ATG7: variants seen among roughly 807,000 people sequenced by gnomAD.
ATG7 encodes the protein autophagy related 7.
ATG7 carries 70 observed loss-of-function variants against 82.4 expected under a neutral mutation model. The observed-to-expected ratio is 0.85, with a 90% CI of 0.70 to 1.04. The LOEUF (loss-of-function observed/expected upper bound fraction) is 1.04. Among genes scored for constraint, ATG7 ranks in the 50% least tolerant of loss-of-function variants. ATG7 has a pLI of 0.00. For synonymous variants in ATG7, 287 were observed against 313.0 expected, an observed-to-expected ratio of 0.92 and a Z score of 0.88; for missense variants, 792 against 864.3, an observed-to-expected ratio of 0.92 and a Z score of 1.05.
chr3:11,506,193 C>G (rs2091696726), intron 20 of ATG7, among the ~76,000 whole-genome samples: 1 of 152,108 alleles, frequency 6.6e-6, no homozygotes, highest in African/African-American at 2.4e-5. Flanking sequence ...GGCTAAGGTA[C>G]TATAATAGAC....
chr3:11,482,573 T>A (rs2153034276), intron 20 of ATG7, among the ~76,000 whole-genome samples: 1 of 152,260 alleles, frequency 6.6e-6, no homozygotes, highest in South Asian at 2.1e-4. Context: ...CAGTTGGGCC[T>A]TACTGAGAGC....
At chr3:11,501,784 G>A (rs367548558) in intron 20 of ATG7, among the ~76,000 whole-genome samples, 149 of 152,178 alleles carry the variant, frequency 9.8e-4, no homozygotes, top group African/African-American at 3.2e-3. Context: ...TCGCCTCCCG[G>A]GTTCAAGTGA....
chr3:11,526,598 A>T (rs550343464), intron 20 of ATG7, among the ~76,000 whole-genome samples: 1 of 152,220 alleles, frequency 6.6e-6, no homozygotes, highest in Non-Finnish European at 1.5e-5. Context: ...ATTATATTCC[A>T]CCAGCATTGT....
At chr3:11,475,103 T>A (rs1450443651) in intron 20 of ATG7, among the ~76,000 whole-genome samples, 1 of 151,604 alleles carries the variant, frequency 6.6e-6, no homozygotes, top group Non-Finnish European at 1.5e-5. Flanking sequence ...AATAAGAAGG[T>A]TTGGGGTGAA....
intron 20 of ATG7, among the ~76,000 whole-genome samples, chr3:11,496,997 G>A (rs889816448): frequency 9.2e-5 from 14 of 151,648 alleles, no homozygotes; most frequent in East Asian, 2.0e-4. Flanking sequence ...GATTACAGGC[G>A]TGCACCACCA....
chr3:11,559,849 C>T (rs1024238941), downstream of ATG7, among the ~76,000 whole-genome samples: 5 of 152,158 alleles, frequency 3.3e-5, no homozygotes, highest in African/African-American at 7.2e-5. Flanking sequence ...CACTGAGCCG[C>T]GGGTGTGCCT....
intron 19 of ATG7, among the ~76,000 whole-genome samples, chr3:11,404,243 G>C (rs1296727298): frequency 1.4e-5 from 2 of 142,388 alleles, no homozygotes; most frequent in East Asian, 4.4e-4. Flanking sequence ...TCAAGTGATT[G>C]TCCTGCCTCA....
chr3:11,367,911 C>T (rs1408701150), intron 18 of ATG7, among the ~76,000 whole-genome samples: 1 of 151,906 alleles, frequency 6.6e-6, no homozygotes, highest in African/African-American at 2.4e-5. Context: ...TCACACACAT[C>T]ATTAAGTGGT....
chr3:11,513,893 G>C (rs1407640300), intron 20 of ATG7, among the ~76,000 whole-genome samples: 1 of 152,198 alleles, frequency 6.6e-6, no homozygotes, highest in East Asian at 1.9e-4. Flanking sequence ...TGTGTACCAG[G>C]CACTGGGTTT....
At chr3:11,400,811 A>G (rs930519283) in intron 19 of ATG7, among the ~76,000 whole-genome samples, 1 of 151,174 alleles carries the variant, frequency 6.6e-6, no homozygotes, top group African/African-American at 2.4e-5. Flanking sequence ...AAGAAACTCA[A>G]CCAAAATTCA....
At chr3:11,285,782 A>G (rs1943892609) in intron 3 of ATG7, among the ~76,000 whole-genome samples, 1 of 152,140 alleles carries the variant, frequency 6.6e-6, no homozygotes, top group Non-Finnish European at 1.5e-5. Context: ...TTATTTTGGA[A>G]CAGTTTCAAA....
chr3:11,525,691 A>C (rs1286913485), intron 20 of ATG7, among the ~76,000 whole-genome samples: 2 of 151,762 alleles, frequency 1.3e-5, no homozygotes, highest in African/African-American at 4.8e-5. Flanking sequence ...AGTAGCTGGA[A>C]CTACAGGTAC....
intron 19 of ATG7, among the ~76,000 whole-genome samples, chr3:11,403,694 C>G (rs567052213): frequency 6.6e-6 from 1 of 152,202 alleles, no homozygotes; most frequent in East Asian, 1.9e-4. Flanking sequence ...AATACGAATG[C>G]TAATGAAAAG....
chr3:11,376,464 G>A (rs2077423731), intron 18 of ATG7, among the ~76,000 whole-genome samples: 1 of 152,170 alleles, frequency 6.6e-6, no homozygotes. Context: ...GAGAATTTGT[G>A]AATGAGGTGT....
chr3:11,374,526 T>A (rs1444696769), intron 18 of ATG7, among the ~76,000 whole-genome samples: 1 of 152,194 alleles, frequency 6.6e-6, no homozygotes, highest in Non-Finnish European at 1.5e-5. Flanking sequence ...TAGACAATGG[T>A]TTCTTATGTA....
chr3:11,362,774 T>C (rs746895528), intron 16 of ATG7, 39 bp from the exon 17 acceptor site: 23 of 1,559,810 alleles, frequency 1.5e-5, no homozygotes, highest in Non-Finnish European at 1.8e-5. Context: ...TTGAATGGAG[T>C]AGAACGTTCT....
chr3:11,447,928 T>C (rs112059892), intron 20 of ATG7, among the ~76,000 whole-genome samples: 2,218 of 152,310 alleles, frequency 0.015, 55 homozygotes, highest in African/African-American at 0.051. Flanking sequence ...GTGTTGGGCA[T>C]ATATGATAGA....
intron 1 of ATG7, among the ~76,000 whole-genome samples, chr3:11,274,830 G>A (rs150858630): frequency 4.6e-5 from 7 of 151,900 alleles, no homozygotes; most frequent in Non-Finnish European, 1.0e-4. Flanking sequence ...TCAATAAACA[G>A]TAGTCATTAA....
intron 20 of ATG7, among the ~76,000 whole-genome samples, chr3:11,484,891 G>C (rs1449700395): frequency 6.6e-6 from 1 of 152,098 alleles, no homozygotes; most frequent in East Asian, 1.9e-4. Context: ...TTTTATGGCT[G>C]CATAGTATTC....
Sources: gnomAD v4.1 joint callset for allele counts (sites outside exome capture counted in the v4.1 genomes callset) on GRCh38, gnomAD v4.1.1 for gene constraint, MANE v1.5 for transcripts, NCBI Gene and HGNC (gene_info 2026-07-23, HGNC 2026-07-21) for gene names.